Variants in LARP4B observed in about 807,000 individuals in gnomAD.
LARP4B encodes the protein La ribonucleoprotein 4B.
In LARP4B, 12 loss-of-function variants were observed where a neutral mutation model predicts 89.8. The ratio of observed to expected loss-of-function variants is 0.13; its 90% CI spans 0.09 to 0.22. The LOEUF is 0.22. Ranked by LOEUF, LARP4B falls within the 10% of genes least tolerant of loss-of-function variation. The pLI, the probability that LARP4B is intolerant of heterozygous loss-of-function variation, is 1.00. For missense variants in LARP4B, 757 were observed against 947.7 expected, an observed-to-expected ratio of 0.80 and a Z score of 2.64; for synonymous variants, 367 against 363.3, an observed-to-expected ratio of 1.01 and a Z score of -0.12.
At chr10:826,200 C>T (rs1832613094) in intron 11 of LARP4B, among the ~76,000 whole-genome samples, 1 of 152,230 alleles carries the variant, frequency 6.6e-6, no homozygotes, top group Admixed American at 6.5e-5. Flanking sequence ...GATACGACCT[C>T]CATCACTGGC....
chr10:921,284 AG>A (rs1836970817), intron 1 of LARP4B, among the ~76,000 whole-genome samples: 1 of 152,038 alleles, frequency 6.6e-6, no homozygotes, highest in Non-Finnish European at 1.5e-5. Context: ...AAAAAAAAAA[AG>A]AAAAAGAAAG....
At chr10:828,956 C>A (rs10752021) in intron 11 of LARP4B, among the ~76,000 whole-genome samples, 85,325 of 152,072 alleles carry the variant, frequency 0.56, 24,367 homozygotes, top group South Asian at 0.68. Context: ...AAAATTAATC[C>A]TGTCGACCAA....
At chr10:836,083 A>G (rs1833204051) in intron 8 of LARP4B, among the ~76,000 whole-genome samples, 1 of 152,180 alleles carries the variant, frequency 6.6e-6, no homozygotes, top group Non-Finnish European at 1.5e-5. Context: ...TTTATCACAA[A>G]AGTGCTCTTT....
chr10:897,987 CAAAAAA>C (rs58452748), intron 1 of LARP4B, among the ~76,000 whole-genome samples: 27 of 25,646 alleles, frequency 1.1e-3, no homozygotes, highest in African/African-American at 3.2e-3. Context: ...GGCTCCATCT[CAAAAAA>C]AAAAAAAAAA....
chr10:818,502 A>C (rs1301395091), intron 14 of LARP4B: 2 of 152,248 alleles, frequency 1.3e-5, no homozygotes, highest in Non-Finnish European at 1.5e-5. Flanking sequence ...TTTGACAACA[A>C]ATTCTAATCA....
At chr10:881,241 T>A (rs898609698) in intron 3 of LARP4B, among the ~76,000 whole-genome samples, 6 of 152,184 alleles carry the variant, frequency 3.9e-5, no homozygotes, top group Non-Finnish European at 8.8e-5. Context: ...CTCTTCATCA[T>A]AAACACCCTC....
chr10:893,025 C>T (rs1197125698), intron 1 of LARP4B, among the ~76,000 whole-genome samples: 1 of 151,422 alleles, frequency 6.6e-6, no homozygotes, highest in East Asian at 1.9e-4. Context: ...ATTCTCATGC[C>T]TCAGCCTCCT....
intron 1 of LARP4B, among the ~76,000 whole-genome samples, chr10:904,680 T>C (rs1425829773): frequency 2.0e-5 from 3 of 152,212 alleles, no homozygotes; most frequent in Non-Finnish European, 4.4e-5. Flanking sequence ...AGGTGGACAC[T>C]GAAAAGTCTG....
intron 5 of LARP4B, among the ~76,000 whole-genome samples, chr10:846,596 G>T (rs536275683): frequency 3.3e-5 from 5 of 152,322 alleles, no homozygotes; most frequent in Admixed American, 6.5e-5. Context: ...ACAGAGGCCG[G>T]TGTGTGTGAG....
chr10:886,126 A>C (rs1588963868), intron 1 of LARP4B, among the ~76,000 whole-genome samples: 1 of 152,330 alleles, frequency 6.6e-6, no homozygotes, highest in East Asian at 1.9e-4. Flanking sequence ...AAAATAAATA[A>C]ATAAATAAAT....
chr10:982,348 C>G, the LARP4B span, among the ~76,000 whole-genome samples: 18,941 of 152,110 alleles, frequency 0.12, 1,508 homozygotes, highest in Non-Finnish European at 0.18. Context: ...ACCTTGGCCT[C>G]CCAAAGTGCT....
At chr10:940,770 G>A in the LARP4B span, among the ~76,000 whole-genome samples, 1 of 151,980 alleles carries the variant, frequency 6.6e-6, no homozygotes, top group South Asian at 2.1e-4. Flanking sequence ...CTCATCCTGG[G>A]GTGGCCGGTC....
At chr10:813,838 G>A (rs1345874431) in intron 17 of LARP4B, among the ~76,000 whole-genome samples, 3 of 136,770 alleles carry the variant, frequency 2.2e-5, no homozygotes, top group Non-Finnish European at 3.1e-5. Flanking sequence ...GTCTCACTCT[G>A]TCGCACAGGC....
chr10:845,859 A>G (rs1039189442), intron 5 of LARP4B, among the ~76,000 whole-genome samples: 4 of 152,256 alleles, frequency 2.6e-5, no homozygotes, highest in Admixed American at 6.5e-5. Flanking sequence ...GTACAATCAT[A>G]TAAGAGCCAT....
At chr10:938,886 G>A in the LARP4B span, among the ~76,000 whole-genome samples, 4 of 152,194 alleles carry the variant, frequency 2.6e-5, no homozygotes, top group East Asian at 3.8e-4. Context: ...ATGGTATTAT[G>A]TTTAGGATTT....
chr10:842,072 T>A (rs1223079975), intron 7 of LARP4B, among the ~76,000 whole-genome samples: 2 of 152,142 alleles, frequency 1.3e-5, no homozygotes, highest in African/African-American at 4.8e-5. Flanking sequence ...TGGACTTAAT[T>A]GAGACTTGAA....
chr10:920,542 G>A (rs2132045685), intron 1 of LARP4B, among the ~76,000 whole-genome samples: 1 of 152,330 alleles, frequency 6.6e-6, no homozygotes, highest in Admixed American at 6.5e-5. Context: ...GGGAGGCCAA[G>A]GCAGGCAGAT....
intron 7 of LARP4B, among the ~76,000 whole-genome samples, chr10:836,891 T>C (rs1252888529): frequency 7.9e-5 from 12 of 152,214 alleles, no homozygotes; most frequent in Non-Finnish European, 2.9e-5. Context: ...ACTGTTTACA[T>C]TAGGATGCTC....
At chr10:891,436 T>C (rs1836016287) in intron 1 of LARP4B, among the ~76,000 whole-genome samples, 1 of 152,234 alleles carries the variant, frequency 6.6e-6, no homozygotes, top group Non-Finnish European at 1.5e-5. Context: ...GTTTCTCAGA[T>C]GTGATAACGA....
Sources: gnomAD v4.1 joint callset for allele counts (sites outside exome capture counted in the v4.1 genomes callset) on GRCh38, gnomAD v4.1.1 for gene constraint, MANE v1.5 for transcripts, NCBI Gene and HGNC (gene_info 2026-07-23, HGNC 2026-07-21) for gene names.